TMEM223: variants seen among roughly 807,000 people sequenced by gnomAD.
TMEM223 encodes the protein transmembrane protein 223.
Under a neutral mutation model 14.1 loss-of-function variants are expected in TMEM223, and 14 were observed. The observed-to-expected ratio is 0.99, with a 90% confidence interval of 0.66 to 1.55. The LOEUF (loss-of-function observed/expected upper bound fraction) is 1.55. Among genes scored for constraint, TMEM223 ranks in the 40% most tolerant of loss-of-function variants. The pLI is 0.00. For missense variants in TMEM223, 346 were observed against 269.9 expected, an observed-to-expected ratio of 1.28 and a Z score of -1.97; for synonymous variants, 145 against 120.5, an observed-to-expected ratio of 1.20 and a Z score of -1.33.
In TMEM223 at chr11:62,771,882, A is replaced by G. The variant is rs560958435; in HGVS notation, c.*224T>C. The G allele has an allele frequency of 2.7e-4, 83 of 308,306 alleles. 4 individuals are homozygous for G. The highest frequency in any genetic ancestry group is 2.2e-3 in the South Asian group (83 of 38,492). The allele number at this position is 308,306 out of a possible 1,614,324, so 19.1% of individuals were successfully genotyped here. ...GACTAAATGCTCCCATTTTACAGAT[A>G]GGGAAACTGCAGCTTCACAACGATC... On this transcript the variant is annotated 3_prime_UTR_variant, in exon 3 of 3. Transcript: ENST00000528367.
intron 1 of TMEM223, among the ~76,000 whole-genome samples, chr11:62,791,454 T>G (rs1000374223): frequency 2.0e-5 from 3 of 152,174 alleles, no homozygotes; most frequent in Non-Finnish European, 2.9e-5. Flanking sequence ...ACACAGGGTT[T>G]GACGGTGTTA....
rs1217661589 is a variant in TMEM223, at chr11:62,776,149, T to TG, written c.315-1485dup. 2.6e-5 allele frequency among the ~76,000 whole-genome samples: 4 copies of TG among 152,280 alleles called. No individual in the cohort carries two copies. In the East Asian group the frequency reaches 7.7e-4, roughly 29 times the overall value. On this transcript the variant is annotated intron_variant, in intron 1 of 2. Transcript: ENST00000528367. ...CATGTGCTCCTCACAACAGCCCTGT[T>TG]GGGCAGGCAGAGCGGGTAGATACTC...
In TMEM223 at chr11:62,776,449, C is replaced by T. The variant is rs779605592; in HGVS notation, c.315-1784G>A. 2.5e-6 allele frequency: 4 copies of T among 1,613,708 alleles called. No homozygotes were observed. The South Asian group carries it at 3.3e-5, about 13-fold the overall frequency. Reference sequence around the variant, plus strand: ...TGACGGTTGAGGACTTCAACAGGGCCCTCAGATGGAGCAGCGTGGAGGTGA... The same window carrying T: ...TGACGGTTGAGGACTTCAACAGGGCTCTCAGATGGAGCAGCGTGGAGGTGA... On this transcript the variant is annotated intron_variant, in intron 1 of 2. Coordinates refer to the TMEM223 transcript ENST00000528367.
At chr11:62,786,332 T>TCA, downstream of TMEM223, 3 of 1,614,170 alleles carry the variant, frequency 1.9e-6, no homozygotes, top group Non-Finnish European at 2.5e-6. Flanking sequence ...GGATGATTAT[T>TCA]CAGTATCTAA....
chr11:62,789,149 C>T, downstream of TMEM223: 1 of 1,614,194 alleles, frequency 6.2e-7, no homozygotes, highest in Non-Finnish European at 8.5e-7. Context: ...CCTCTTGGCC[C>T]TCTACTGCCT....
intron 1 of TMEM223, chr11:62,782,470 G>C: frequency 2.8e-6 from 3 of 1,073,538 alleles, no homozygotes; most frequent in Non-Finnish European, 4.0e-6. Context: ...GTCCTAGCTG[G>C]TGTGCTGTGA....
At chr11:62,789,150 T>C (rs779662537), downstream of TMEM223, 1 of 1,614,176 alleles carries the variant, frequency 6.2e-7, no homozygotes, top group Non-Finnish European at 8.5e-7. Flanking sequence ...CTCTTGGCCC[T>C]CTACTGCCTC....
intron 2 of TMEM223, among the ~76,000 whole-genome samples, chr11:62,773,378 C>T (rs2084163678): frequency 6.6e-6 from 1 of 151,972 alleles, no homozygotes; most frequent in Non-Finnish European, 1.5e-5. Flanking sequence ...GAACTCCTGA[C>T]CTTGTGATCC....
chr11:62,773,931 G>A (rs78577080), intron 2 of TMEM223, among the ~76,000 whole-genome samples: 2,941 of 152,224 alleles, frequency 0.019, 87 homozygotes, highest in African/African-American at 0.065. Context: ...GTGTTCAAAG[G>A]TCCTAAAATA....
At chr11:62,785,393 G>A (rs501924), downstream of TMEM223, among the ~76,000 whole-genome samples, 21,430 of 150,648 alleles carry the variant, frequency 0.14, 2,575 homozygotes, top group African/African-American at 0.33. Flanking sequence ...GGGTTTCACT[G>A]TGCTGGCCAG....
downstream of TMEM223, chr11:62,786,483 A>T: frequency 6.3e-7 from 1 of 1,578,036 alleles, no homozygotes; most frequent in Non-Finnish European, 8.6e-7. Flanking sequence ...GGTTCCTCGA[A>T]TTTTTTGCCT....
At chr11:62,782,143 C>T in intron 1 of TMEM223, 1 of 1,612,286 alleles carries the variant, frequency 6.2e-7, no homozygotes. Flanking sequence ...CCTGGAGCAA[C>T]TGCACCGGCT....
intron 1 of TMEM223, among the ~76,000 whole-genome samples, chr11:62,777,138 C>T (rs2084193690): frequency 6.6e-6 from 1 of 150,740 alleles, no homozygotes; most frequent in Non-Finnish European, 1.5e-5. Context: ...CAGAGCAGGA[C>T]TCCATGTCAA....
intron 1 of TMEM223, chr11:62,775,512 A>G: frequency 2.5e-6 from 1 of 396,532 alleles, no homozygotes; most frequent in East Asian, 4.4e-5. Flanking sequence ...CCAAATTCAC[A>G]TAGAAGGTGA....
downstream of TMEM223, chr11:62,788,008 T>A: frequency 6.5e-6 from 3 of 460,452 alleles, no homozygotes; most frequent in Admixed American, 7.0e-5. Flanking sequence ...AAGCCAATAA[T>A]TTACATCGTT....
chr11:62,789,482 G>C (rs2084332789), downstream of TMEM223: 3 of 1,610,884 alleles, frequency 1.9e-6, no homozygotes, highest in Non-Finnish European at 2.5e-6. Flanking sequence ...CTCTGCAGCG[G>C]GGTCCTATAA....
chr11:62,789,259 C>A (rs777108288), downstream of TMEM223: 1 of 1,613,872 alleles, frequency 6.2e-7, no homozygotes. Flanking sequence ...ATGAGCCTCA[C>A]CTCCACCACA....
In TMEM223 at chr11:62,790,692, C is replaced by G; in HGVS notation, c.540G>C (p.Leu180Phe). The change falls in exon 2 of 2, where the codon TTG (leucine) becomes TTC (phenylalanine). Residue 180 changes from leucine (L) to phenylalanine (F), a missense_variant. Leu to Phe is a conservative substitution (Grantham distance 22). Coordinates refer to ENST00000307366, the MANE Select transcript of TMEM223 (RefSeq NM_001080501.3). Reference protein sequence around the residue: ...KVKGRRFYFLLDKTGHFPNTK... With the variant: ...KVKGRRFYFLFDKTGHFPNTK... ...TGTTAGGGAAGTGTCCAGTTTTGTCCAAGAGGAAATAGAAGCGTCGGCCTT... is the reference window on the plus strand; with the variant it reads ...TGTTAGGGAAGTGTCCAGTTTTGTCGAAGAGGAAATAGAAGCGTCGGCCTT... 6.2e-7 allele frequency: 1 copy of G among 1,612,160 alleles called. No homozygotes were observed. The highest frequency in any genetic ancestry group is 1.1e-5 in the South Asian group (1 of 90,762).
At chr11:62,786,840 C>T (rs1050954328), downstream of TMEM223, 5 of 1,600,064 alleles carry the variant, frequency 3.1e-6, no homozygotes, top group African/African-American at 1.3e-5. Flanking sequence ...CGCCCGGGGA[C>T]AAGAAGGAGC....
Sources: allele counts gnomAD v4.1 joint callset (sites outside exome capture counted in the v4.1 genomes callset), GRCh38; gene constraint gnomAD v4.1.1; transcripts MANE v1.5; gene names NCBI Gene and HGNC (gene_info 2026-07-23, HGNC 2026-07-21).